Variants in MARCHF1 observed in about 807,000 individuals in gnomAD.
MARCHF1 encodes the protein membrane associated ring-CH-type finger 1.
A neutral mutation model predicts 54.2 loss-of-function variants in MARCHF1; 40 were observed. The ratio of observed to expected loss-of-function variants is 0.74; its 90% CI spans 0.57 to 0.96. MARCHF1 has a LOEUF of 0.96. Among genes scored for constraint, MARCHF1 ranks in the 40% least tolerant of loss-of-function variants. MARCHF1 has a pLI of 0.00. For missense variants in MARCHF1, 586 were observed against 656.5 expected, an observed-to-expected ratio of 0.89 and a Z score of 1.17; for synonymous variants, 236 against 236.3, an observed-to-expected ratio of 1.00 and a Z score of 0.01.
chr4:163,814,423 GA>G (rs2111023930), intron 4 of MARCHF1, among the ~76,000 whole-genome samples: 1 of 152,000 alleles, frequency 6.6e-6, no homozygotes, highest in East Asian at 1.9e-4. Context: ...ACTAAAAATA[GA>G]AAAAGATTAG....
intron 1 of MARCHF1, among the ~76,000 whole-genome samples, chr4:164,140,170 T>TGC (rs1756493489): frequency 6.6e-6 from 1 of 150,470 alleles, no homozygotes; most frequent in Admixed American, 6.6e-5. Flanking sequence ...CACACACTCA[T>TGC]GCACACACAC....
At chr4:163,869,965 G>T (rs1750136447) in intron 3 of MARCHF1, among the ~76,000 whole-genome samples, 1 of 152,034 alleles carries the variant, frequency 6.6e-6, no homozygotes, top group Non-Finnish European at 1.5e-5. Context: ...TCAAAATAGT[G>T]AACTCTCCTG....
intron 3 of MARCHF1, among the ~76,000 whole-genome samples, chr4:163,899,275 A>T (rs1414713386): frequency 6.6e-6 from 1 of 152,164 alleles, no homozygotes; most frequent in Non-Finnish European, 1.5e-5. Context: ...TTTTACTTGT[A>T]CCATTTCATT....
intron 4 of MARCHF1, among the ~76,000 whole-genome samples, chr4:163,744,178 C>T (rs143972372): frequency 1.2e-4 from 19 of 152,292 alleles, no homozygotes; most frequent in Middle Eastern, 3.4e-3. Context: ...GCATTTATTT[C>T]GCCAAGACAA....
intron 1 of MARCHF1, chr4:164,130,138 A>G (rs570847184): frequency 6.6e-6 from 1 of 152,206 alleles, no homozygotes. Context: ...TATAAACATT[A>G]TTATTCTAAA....
Position 163,851,366 on chromosome 4 carries a change from T to C in MARCHF1, c.111+2655A>G, listed in dbSNP as rs192765466. On this transcript the variant is annotated intron_variant, in intron 4 of 9. Transcript: ENST00000514618. Reference sequence around the variant, plus strand: ...AGCAGGATTGTGCCTGTGATTGACATGTGTACCTGATTCTTTCTCTATCCA... The same window carrying C: ...AGCAGGATTGTGCCTGTGATTGACACGTGTACCTGATTCTTTCTCTATCCA... 2.7e-4 allele frequency among the ~76,000 whole-genome samples: 41 copies of C among 152,276 alleles called. No individual in the cohort carries two copies. In the East Asian group the frequency reaches 7.4e-3, roughly 27 times the overall value.
chr4:163,720,803 G>A (rs1429988438), intron 4 of MARCHF1, among the ~76,000 whole-genome samples: 1 of 152,148 alleles, frequency 6.6e-6, no homozygotes, highest in Non-Finnish European at 1.5e-5. Flanking sequence ...GTGAATGGGA[G>A]TTCACTCATG....
chr4:163,576,262 G>T (rs1740033286), intron 8 of MARCHF1, among the ~76,000 whole-genome samples: 1 of 151,978 alleles, frequency 6.6e-6, no homozygotes, highest in Non-Finnish European at 1.5e-5. Flanking sequence ...TTATTTCAAA[G>T]AACTTTTGAT....
At chr4:163,945,743 G>A (rs1235493895) in intron 3 of MARCHF1, among the ~76,000 whole-genome samples, 1 of 152,094 alleles carries the variant, frequency 6.6e-6, no homozygotes, top group Non-Finnish European at 1.5e-5. Context: ...AAATACAAAT[G>A]GGATACACTC....
intron 1 of MARCHF1, among the ~76,000 whole-genome samples, chr4:164,184,296 T>C (rs2111024417): frequency 6.6e-6 from 1 of 152,320 alleles, no homozygotes; most frequent in East Asian, 1.9e-4. Flanking sequence ...CAAGATTTGA[T>C]TTGAAATAAA....
chr4:164,192,433 A>T (rs1731146982), intron 1 of MARCHF1, among the ~76,000 whole-genome samples: 1 of 152,208 alleles, frequency 6.6e-6, no homozygotes, highest in South Asian at 2.1e-4. Context: ...GAGCCCTCAT[A>T]AGAGAGTCAA....
intron 4 of MARCHF1, among the ~76,000 whole-genome samples, chr4:163,747,571 G>C (rs1252939906): frequency 2.0e-5 from 3 of 152,140 alleles, no homozygotes; most frequent in Non-Finnish European, 4.4e-5. Flanking sequence ...TAAATGACGG[G>C]ATTGAATATA....
In MARCHF1 at chr4:163,694,750, T is replaced by C. The variant is rs1744567911; in HGVS notation, c.162+6063A>G. On this transcript the variant is annotated intron_variant, in intron 5 of 9. Coordinates refer to ENST00000514618, the MANE Select transcript of MARCHF1 (RefSeq NM_001394959.1). ...GGCAGAGATTTGAGCTAAAAATATC[T>C]TGATAGCTGTTGGGCTATTGATTAT... Among the ~76,000 whole-genome samples the C allele has an allele frequency of 1.3e-5, 2 of 152,180 alleles. 1 individual carries two copies. Among genetic ancestry groups the C allele is most frequent in the South Asian group, 4.1e-4 (2 of 4,832 alleles).
At chr4:164,263,357 C>A (rs1165282417) in intron 1 of MARCHF1, among the ~76,000 whole-genome samples, 1 of 152,094 alleles carries the variant, frequency 6.6e-6, no homozygotes, top group Non-Finnish European at 1.5e-5. Context: ...CACACATATA[C>A]ATATGTATTT....
chr4:163,614,846 T>TA (rs1741461158), intron 5 of MARCHF1, among the ~76,000 whole-genome samples: 3 of 151,952 alleles, frequency 2.0e-5, no homozygotes, highest in Admixed American at 2.0e-4. Context: ...GCAGTAGAGT[T>TA]AGTCAGAGAG....
At chr4:163,937,875 T>C (rs1202440860) in intron 3 of MARCHF1, among the ~76,000 whole-genome samples, 1 of 152,178 alleles carries the variant, frequency 6.6e-6, no homozygotes, top group Non-Finnish European at 1.5e-5. Flanking sequence ...AATTTTTCAA[T>C]GGATTATTAA....
At chr4:164,044,608 G>T (rs563758812) in intron 2 of MARCHF1, among the ~76,000 whole-genome samples, 1 of 152,086 alleles carries the variant, frequency 6.6e-6, no homozygotes, top group African/African-American at 2.4e-5. Flanking sequence ...GGAGAAGTTT[G>T]ACTTTGAGGG....
At position 163,628,392 on chromosome 4, in the gene MARCHF1, G is replaced by A. The variant is rs1741948485; in HGVS notation, c.163-14999C>T. ...TCAATAAACTAGGCATTGATGGAAC[G>A]TATCTCAAAATAATAAGGGCTATTT... is the stretch of plus-strand genomic sequence containing the variant. On this transcript the variant is annotated intron_variant, in intron 5 of 9. Transcript: ENST00000514618. 2.0e-5 allele frequency among the ~76,000 whole-genome samples: 3 copies of A among 152,192 alleles called. No homozygotes were observed. The South Asian group carries it at 6.2e-4, about 32-fold the overall frequency.
intron 1 of MARCHF1, among the ~76,000 whole-genome samples, chr4:164,286,524 G>A (rs80132187): frequency 0.015 from 2,292 of 151,718 alleles, 62 homozygotes; most frequent in African/African-American, 0.053. Flanking sequence ...AAAGTTATAG[G>A]AGCAAACAGA....
Sources: allele counts gnomAD v4.1 joint callset (sites outside exome capture counted in the v4.1 genomes callset), GRCh38; gene constraint gnomAD v4.1.1; transcripts MANE v1.5; gene names NCBI Gene and HGNC (gene_info 2026-07-23, HGNC 2026-07-21).